Variants in DEFB104B observed in about 807,000 individuals in gnomAD.
DEFB104B encodes the protein beta-defensin 104.
intron 1 of DEFB104B, among the ~76,000 whole-genome samples, chr8:7,471,376 G>A (rs1439217960): frequency 1.1e-5 from 1 of 94,396 alleles, no homozygotes; most frequent in Admixed American, 1.2e-4. Context: ...GTGAGTAAAT[G>A]ATTGGATAGA....
intron 1 of DEFB104B, among the ~76,000 whole-genome samples, chr8:7,474,728 T>C (rs1811067855): frequency 7.2e-6 from 1 of 139,182 alleles, no homozygotes; most frequent in Non-Finnish European, 1.6e-5. Context: ...CCATGAGGAA[T>C]TGTTACCGTG....
chr8:7,474,405 A>G (rs1157115551), intron 1 of DEFB104B, among the ~76,000 whole-genome samples: 1 of 143,224 alleles, frequency 7.0e-6, no homozygotes, highest in East Asian at 2.0e-4. Context: ...TTAACGTAGG[A>G]GTCAGAAGAT....
chr8:7,471,123 A>T (rs866691165), intron 1 of DEFB104B, among the ~76,000 whole-genome samples: 2,758 of 148,130 alleles, frequency 0.019, 2 homozygotes, highest in African/African-American at 0.069. Context: ...ATTCTTTTAT[A>T]TCACCTATCG....
intron 1 of DEFB104B, among the ~76,000 whole-genome samples, chr8:7,472,861 G>T (rs2740694): frequency 0.015 from 1,846 of 125,286 alleles, 48 homozygotes; most frequent in African/African-American, 0.062. Context: ...TTGTTTGTTT[G>T]TTTGGTTTTT....
intron 1 of DEFB104B, among the ~76,000 whole-genome samples, chr8:7,472,380 T>A (rs1810984254): frequency 7.7e-6 from 1 of 129,790 alleles, no homozygotes; most frequent in Non-Finnish European, 1.6e-5. Flanking sequence ...TCACAGGCCA[T>A]CTATTTAGAG....
intron 1 of DEFB104B, among the ~76,000 whole-genome samples, chr8:7,472,869 T>G (rs1358294804): frequency 1.2e-4 from 16 of 132,936 alleles, no homozygotes; most frequent in African/African-American, 4.9e-4. Context: ...TTGTTTGGTT[T>G]TTTTTGAGAC....
chr8:7,471,133 G>T (rs1253580359), intron 1 of DEFB104B, among the ~76,000 whole-genome samples: 1 of 151,832 alleles, frequency 6.6e-6, no homozygotes, highest in Non-Finnish European at 1.5e-5. Flanking sequence ...ATCACCTATC[G>T]CAAGTTGTAG....
At chr8:7,471,916 G>A (rs1305286271) in intron 1 of DEFB104B, among the ~76,000 whole-genome samples, 2 of 148,776 alleles carry the variant, frequency 1.3e-5, no homozygotes, top group African/African-American at 5.1e-5. Context: ...TTCTGGTAAA[G>A]AGAAGCCTCC....
rs1232326251 is a variant in DEFB104B, at chr8:7,474,055, G to GT, written c.58+955dup. 1.4e-5 allele frequency among the ~76,000 whole-genome samples: 2 copies of GT among 140,492 alleles called. 1 individual carries two copies. The highest frequency in any genetic ancestry group is 3.2e-5 in the Non-Finnish European group (2 of 62,702). 92.2% of individuals were successfully genotyped at this position (140,492 alleles called of 152,430 possible). A position where few individuals can be genotyped will look rare whatever the true frequency, so the allele number is the denominator to read the frequency against. The stretch of plus-strand genomic sequence containing the variant: ...ACACGGGAAGAAAGAAAAAGGAAGA[G>GT]TTAACCTAAACAGGTACCCTCTGAA... On this transcript the variant is annotated intron_variant, in intron 1 of 1. Transcript: ENST00000316169.
intron 1 of DEFB104B, among the ~76,000 whole-genome samples, chr8:7,473,319 G>T (rs1380192218): frequency 1.4e-4 from 8 of 57,216 alleles, no homozygotes; most frequent in Admixed American, 2.6e-4. Context: ...AAAGACCTGG[G>T]ATCAATAGAC....
chr8:7,472,750 C>T (rs1403102224), intron 1 of DEFB104B, among the ~76,000 whole-genome samples: 7 of 134,230 alleles, frequency 5.2e-5, no homozygotes, highest in Non-Finnish European at 3.1e-5. Flanking sequence ...AGGACATGTG[C>T]CCAAGGTGGT....
At chr8:7,472,099 G>A (rs1430464769) in intron 1 of DEFB104B, among the ~76,000 whole-genome samples, 3 of 147,280 alleles carry the variant, frequency 2.0e-5, no homozygotes, top group Non-Finnish European at 4.5e-5. Context: ...TCAAAAGCAA[G>A]CCCCTGTGGT....
At chr8:7,474,071 AC>A (rs948775442) in intron 1 of DEFB104B, among the ~76,000 whole-genome samples, 1 of 140,714 alleles carries the variant, frequency 7.1e-6, no homozygotes, top group Admixed American at 7.1e-5. Context: ...CTAAACAGGT[AC>A]CCTCTGAAAA....
intron 1 of DEFB104B, among the ~76,000 whole-genome samples, chr8:7,474,093 A>G (rs1428039470): frequency 7.1e-6 from 1 of 140,848 alleles, no homozygotes; most frequent in Non-Finnish European, 1.6e-5. Context: ...AAAATCATTA[A>G]CCCATCTGAA....
chr8:7,474,646 A>G (rs1811065633), intron 1 of DEFB104B, among the ~76,000 whole-genome samples: 1 of 141,296 alleles, frequency 7.1e-6, no homozygotes, highest in Admixed American at 7.0e-5. Flanking sequence ...ATTCTACAAA[A>G]TCAACAATGA....
intron 1 of DEFB104B, 25 bp downstream of exon 1, chr8:7,474,986 T>C: frequency 1.6e-6 from 1 of 611,392 alleles, no homozygotes; most frequent in Non-Finnish European, 2.9e-6. Flanking sequence ...ACTGTGTATA[T>C]TTCCAGCTGA....
At chr8:7,470,756 A>G (rs199725382) in intron 1 of DEFB104B, among the ~76,000 whole-genome samples, 10,045 of 59,850 alleles carry the variant, frequency 0.17, 19 homozygotes, top group African/African-American at 0.21. Context: ...CAAAATCCCT[A>G]CAAGTTTACT....
rs1341602156 is a variant in DEFB104B, at chr8:7,472,311, A to C, written c.59-1795T>G. ...AGCTTAGCGTTAGGGGAGAAGGAGA[A>C]TAGACTAGGAAGAGAACCCAACCTT... is the stretch of plus-strand genomic sequence containing the variant. On this transcript the variant is annotated intron_variant, in intron 1 of 1. Transcript: ENST00000316169. Among the ~76,000 whole-genome samples, 3 of 122,342 alleles carry C rather than the reference A, an allele frequency of 2.5e-5. 1 individual carries two copies. The highest frequency in any genetic ancestry group is 5.0e-5 in the Non-Finnish European group (3 of 59,852). The allele number at this position is 122,342 out of a possible 152,430, so 80.3% of individuals were successfully genotyped here.
chr8:7,470,944 C>A (rs1375834763), intron 1 of DEFB104B, among the ~76,000 whole-genome samples: 38 of 118,466 alleles, frequency 3.2e-4, no homozygotes, highest in Non-Finnish European at 4.7e-4. Flanking sequence ...TATCCTGGTA[C>A]CTTCACGTGC....
Sources: allele counts gnomAD v4.1 joint callset (sites outside exome capture counted in the v4.1 genomes callset), GRCh38; gene constraint gnomAD v4.1.1; transcripts MANE v1.5; gene names NCBI Gene and HGNC (gene_info 2026-07-23, HGNC 2026-07-21).